The following TBC1D5 variants were observed in gnomAD, a reference collection of about 807,000 sequenced individuals.
The protein encoded by TBC1D5 is TBC1 domain family member 5.
In TBC1D5, 75 loss-of-function variants were observed where a neutral mutation model predicts 100.3. The ratio of observed to expected loss-of-function variants is 0.75; its 90% CI spans 0.62 to 0.91. The LOEUF is 0.91. Ranked by LOEUF, TBC1D5 falls within the 40% of genes least tolerant of loss-of-function variation. The pLI, the probability that TBC1D5 is intolerant of heterozygous loss-of-function variation, is 0.00. For missense variants in TBC1D5, 910 were observed against 942.4 expected (o/e 0.97, Z 0.45); for synonymous variants, 323 against 325.6 (o/e 0.99, Z 0.09).
At chr3:17,659,289 T>A (rs2066421572) in intron 1 of TBC1D5, among the ~76,000 whole-genome samples, 1 of 152,190 alleles carries the variant, frequency 6.6e-6, no homozygotes, top group South Asian at 2.1e-4. Flanking sequence ...GTCAAGGTGC[T>A]GAATAATATG....
chr3:17,712,493 G>C (rs1466511626), intron 1 of TBC1D5, among the ~76,000 whole-genome samples: 2 of 152,136 alleles, frequency 1.3e-5, no homozygotes, highest in Non-Finnish European at 2.9e-5. Context: ...AGTTTTACAT[G>C]TATTTCTAGA....
chr3:17,392,277 T>C (rs1402819740), intron 8 of TBC1D5, among the ~76,000 whole-genome samples: 7 of 152,086 alleles, frequency 4.6e-5, no homozygotes, highest in Non-Finnish European at 8.8e-5. Flanking sequence ...TGATAGTTAC[T>C]GGTTGTAATA....
upstream of TBC1D5, among the ~76,000 whole-genome samples, chr3:17,741,958 G>C (rs2077487318): frequency 6.6e-6 from 1 of 152,036 alleles, no homozygotes; most frequent in Admixed American, 6.6e-5. Flanking sequence ...ATTAAGGTTT[G>C]AGGATTCAGG....
At chr3:17,195,404 C>T (rs964907776) in intron 18 of TBC1D5, among the ~76,000 whole-genome samples, 14 of 152,228 alleles carry the variant, frequency 9.2e-5, no homozygotes, top group Non-Finnish European at 1.6e-4. Flanking sequence ...CCAGGGCCTC[C>T]AGCTGAGTTT....
At chr3:17,347,990 G>A (rs984839984) in intron 13 of TBC1D5, among the ~76,000 whole-genome samples, 5 of 137,316 alleles carry the variant, frequency 3.6e-5, no homozygotes, top group East Asian at 1.9e-4. Context: ...GTGACAGAGC[G>A]AGACCCTGTC....
chr3:17,670,280 G>A (rs6809062), intron 1 of TBC1D5, among the ~76,000 whole-genome samples: 86,839 of 152,076 alleles, frequency 0.57, 25,620 homozygotes, highest in East Asian at 0.99. Flanking sequence ...TTCTGGGCTC[G>A]AACACAAATT....
chr3:17,354,613 G>A (rs1255984544), intron 13 of TBC1D5, among the ~76,000 whole-genome samples: 3 of 151,828 alleles, frequency 2.0e-5, no homozygotes, highest in Non-Finnish European at 2.9e-5. Flanking sequence ...ATTATTGAGT[G>A]AGCGATGAAA....
chr3:17,638,231 G>A (rs984104687), intron 1 of TBC1D5, among the ~76,000 whole-genome samples: 3 of 151,966 alleles, frequency 2.0e-5, no homozygotes, highest in Non-Finnish European at 2.9e-5. Context: ...TATATACAGA[G>A]TTGTGTAAGC....
Position 17,681,202 on chromosome 3 carries a change from TTC to T in TBC1D5, c.-100-57291_-100-57290del, listed in dbSNP as rs141649579. On this transcript the variant is annotated intron_variant, in intron 1 of 21. Transcript: ENST00000253692. ...AACTGGAGGCAGAATACATGGGTAGTTCTTTCCTTTTTTGTTAGGTATAATAG... is the reference window on the plus strand; with the variant it reads ...AACTGGAGGCAGAATACATGGGTAGTTTTCCTTTTTTGTTAGGTATAATAG... Among the ~76,000 whole-genome samples the T allele has an allele frequency of 5.5e-3, 841 of 151,756 alleles. 44 individuals are homozygous for T. The highest frequency in any genetic ancestry group is 0.02 in the African/African-American group (809 of 41,018).
intron 8 of TBC1D5, among the ~76,000 whole-genome samples, chr3:17,394,320 C>T (rs1335323729): frequency 6.6e-6 from 1 of 152,090 alleles, no homozygotes; most frequent in Non-Finnish European, 1.5e-5. Context: ...CTTGAAGAAG[C>T]ATTGAATCTA....
chr3:17,722,548 T>A (rs181621330), intron 1 of TBC1D5, among the ~76,000 whole-genome samples: 1 of 152,324 alleles, frequency 6.6e-6, no homozygotes, highest in Non-Finnish European at 1.5e-5. Flanking sequence ...CATTTCAGAT[T>A]TCAATTTTTC....
intron 3 of TBC1D5, among the ~76,000 whole-genome samples, chr3:17,468,865 T>A (rs2095340234): frequency 6.6e-6 from 1 of 152,220 alleles, no homozygotes; most frequent in Non-Finnish European, 1.5e-5. Flanking sequence ...GGGCACTAAC[T>A]AATCCCATAA....
rs1174448304 is a variant in TBC1D5, at chr3:17,453,739, G to A, written c.98-25220C>T. 2.0e-5 allele frequency among the ~76,000 whole-genome samples: 3 copies of A among 152,154 alleles called. No individual in the cohort carries two copies. The East Asian group carries it at 5.8e-4, about 29-fold the overall frequency. Reference sequence around the variant, plus strand: ...TAAACTCAAACTGTTCCAAAAACTAGAGGCCAAGGGGATACTTCCAAACTA... The same window carrying A: ...TAAACTCAAACTGTTCCAAAAACTAAAGGCCAAGGGGATACTTCCAAACTA... On this transcript the variant is annotated intron_variant, in intron 3 of 21. Transcript: ENST00000253692.
intron 3 of TBC1D5, among the ~76,000 whole-genome samples, chr3:17,445,889 T>C (rs1309625047): frequency 6.6e-6 from 1 of 152,118 alleles, no homozygotes; most frequent in African/African-American, 2.4e-5. Flanking sequence ...TGAGAACTAG[T>C]TACGAACAGT....
chr3:17,323,663 A>T lies in TBC1D5; in HGVS notation c.996-15529T>A, dbSNP rs533104935. On this transcript the variant is annotated intron_variant, in intron 13 of 21. Coordinates refer to ENST00000253692, the Ensembl canonical transcript of TBC1D5. ...GTAATAGCTGTGTGCTGAAAACTAT[A>T]AAAAAAAAGATAATCACAAAGCCCT... Among the ~76,000 whole-genome samples, 19 of 146,842 alleles carry T rather than the reference A, an allele frequency of 1.3e-4. No individual in the cohort carries two copies. The East Asian group carries it at 2.7e-3, about 21-fold the overall frequency.
At chr3:17,573,745 A>G (rs1212313174) in intron 2 of TBC1D5, among the ~76,000 whole-genome samples, 2 of 152,016 alleles carry the variant, frequency 1.3e-5, no homozygotes, top group Non-Finnish European at 2.9e-5. Flanking sequence ...CTCTCAGGGA[A>G]GTTTCCTTGA....
intron 1 of TBC1D5, among the ~76,000 whole-genome samples, chr3:17,726,240 G>A (rs1392618558): frequency 1.3e-5 from 2 of 152,112 alleles, no homozygotes; most frequent in African/African-American, 2.4e-5. Context: ...CCAATAATGG[G>A]GTTGTAGGTC....
At chr3:17,259,642 T>C (rs2078078147) in intron 15 of TBC1D5, among the ~76,000 whole-genome samples, 1 of 148,102 alleles carries the variant, frequency 6.8e-6, no homozygotes, top group South Asian at 2.1e-4. Flanking sequence ...TAATAGAAAA[T>C]TACCAATATG....
At chr3:17,222,531 G>C (rs2074401656) in intron 17 of TBC1D5, among the ~76,000 whole-genome samples, 1 of 152,054 alleles carries the variant, frequency 6.6e-6, no homozygotes, top group Non-Finnish European at 1.5e-5. Flanking sequence ...TAAGATACTA[G>C]TTCAAAACAA....
Sources: gnomAD v4.1 joint callset for allele counts (sites outside exome capture counted in the v4.1 genomes callset) on GRCh38, gnomAD v4.1.1 for gene constraint, MANE v1.5 for transcripts, NCBI Gene and HGNC (gene_info 2026-07-23, HGNC 2026-07-21) for gene names.